SLIT1: variants seen among roughly 807,000 people sequenced by gnomAD.
SLIT1 encodes slit homolog 1 protein.
SLIT1 carries 66 observed loss-of-function variants against 186.1 expected under a neutral mutation model. The observed-to-expected ratio is 0.35, with a 90% CI of 0.29 to 0.44. The LOEUF (loss-of-function observed/expected upper bound fraction) is 0.44, where lower values mean the gene tolerates loss of function less well. Among genes scored for constraint, SLIT1 ranks in the 20% least tolerant of loss-of-function variants. The pLI, the probability that SLIT1 is intolerant of heterozygous loss-of-function variation, is 1.00. For synonymous variants in SLIT1, 761 were observed against 833.8 expected (o/e 0.91, Z 1.50); for missense variants, 1,638 against 2,037.4 (o/e 0.80, Z 3.77).
In SLIT1 at chr10:97,126,343, C is replaced by T. The variant is rs1453322773; in HGVS notation, c.413+31475G>A. Among the ~76,000 whole-genome samples the T allele has an allele frequency of 2.0e-5, 3 of 152,318 alleles. No homozygotes were observed. The South Asian group carries it at 6.2e-4, about 32-fold the overall frequency. On this transcript the variant is annotated intron_variant, in intron 4 of 36. Coordinates refer to ENST00000266058, the MANE Select transcript of SLIT1 (RefSeq NM_003061.3). ...AGACCCCACGGGGTGAACAATGAAT[C>T]GGATGCAGCGCCCACTGCTTTTTAG...
intron 4 of SLIT1, among the ~76,000 whole-genome samples, chr10:97,137,818 G>T (rs1162949361): frequency 6.6e-6 from 1 of 152,142 alleles, no homozygotes; most frequent in Non-Finnish European, 1.5e-5. Flanking sequence ...AATGTTTCTT[G>T]ATGGTTTACC....
intron 4 of SLIT1, among the ~76,000 whole-genome samples, chr10:97,093,216 G>A (rs1261356339): frequency 6.6e-6 from 1 of 152,232 alleles, no homozygotes; most frequent in Non-Finnish European, 1.5e-5. Context: ...TGAGACCCTG[G>A]GAGGGCAGTG....
chr10:97,131,152 A>C (rs537306470), intron 4 of SLIT1, among the ~76,000 whole-genome samples: 19 of 152,282 alleles, frequency 1.2e-4, no homozygotes, highest in Non-Finnish European at 2.4e-4. Context: ...GTCGGCACCA[A>C]AGGAGGGCAC....
intron 13 of SLIT1, among the ~76,000 whole-genome samples, chr10:97,055,581 G>T (rs747125776): frequency 1.3e-5 from 2 of 152,058 alleles, no homozygotes; most frequent in South Asian, 4.2e-4. Flanking sequence ...TGTTACCTAG[G>T]CTGGTATTGA....
At chr10:97,099,842 G>A (rs1849332616) in intron 4 of SLIT1, among the ~76,000 whole-genome samples, 1 of 152,188 alleles carries the variant, frequency 6.6e-6, no homozygotes, top group African/African-American at 2.4e-5. Flanking sequence ...TGAAAATCAG[G>A]AGAGAAGCCA....
chr10:97,063,710 G>A lies in SLIT1; in HGVS notation c.630-92C>T, dbSNP rs560764770. 115 of 1,377,590 alleles carry A rather than the reference G, an allele frequency of 8.3e-5. 1 individual carries two copies. The highest frequency in any genetic ancestry group is 4.0e-4 in the East Asian group (16 of 40,318). The allele number at this position is 1,377,590 out of a possible 1,614,324, so 85.3% of individuals were successfully genotyped here. A position where few individuals can be genotyped will look rare whatever the true frequency, so the allele number is the denominator to read the frequency against. ...CAATCTCAGGCAGGAGGCTGCCCCC[G>A]GTGCTGTGTTCAAGCCAAACACAGT... is the stretch of plus-strand genomic sequence containing the variant. On this transcript the variant is annotated intron_variant, in intron 7 of 36. Coordinates refer to ENST00000266058, the MANE Select transcript of SLIT1 (RefSeq NM_003061.3).
chr10:97,099,597 T>C (rs867205710), intron 4 of SLIT1, among the ~76,000 whole-genome samples: 8 of 152,302 alleles, frequency 5.3e-5, no homozygotes, highest in Middle Eastern at 6.8e-3. Flanking sequence ...CCCCTTTCTC[T>C]GCATGTGTAC....
intron 1 of SLIT1, among the ~76,000 whole-genome samples, chr10:97,176,824 T>TCTCCAC (rs1249352019): frequency 6.6e-6 from 1 of 151,638 alleles, no homozygotes; most frequent in Non-Finnish European, 1.5e-5. Flanking sequence ...TAGCCACTGC[T>TCTCCAC]CTCCACTGTC....
intron 1 of SLIT1, among the ~76,000 whole-genome samples, chr10:97,167,836 TCTC>T (rs1436000449): frequency 1.3e-5 from 2 of 152,174 alleles, no homozygotes; most frequent in African/African-American, 4.8e-5. Flanking sequence ...AAAGGGCAGT[TCTC>T]CTGCACTTCT....
intron 4 of SLIT1, among the ~76,000 whole-genome samples, chr10:97,119,628 G>A (rs1251512256): frequency 6.6e-6 from 1 of 151,800 alleles, no homozygotes; most frequent in African/African-American, 2.4e-5. Flanking sequence ...GGCGCCTTGG[G>A]TTCACCCATC....
At chr10:97,163,697 T>G (rs74951188) in intron 2 of SLIT1, among the ~76,000 whole-genome samples, 4,920 of 152,288 alleles carry the variant, frequency 0.032, 104 homozygotes, top group Non-Finnish European at 0.04. Flanking sequence ...CACCACAAAA[T>G]GCACTTGCAA....
At chr10:97,064,309 C>A (rs1364323592) in intron 6 of SLIT1, 70 bp from the exon 7 acceptor site, 7 of 1,284,668 alleles carry the variant, frequency 5.4e-6, no homozygotes, top group Non-Finnish European at 7.9e-6. Context: ...GGCCGCCCTG[C>A]TAACGAACAG....
Position 97,014,751 on chromosome 10 carries a change from A to G in SLIT1, c.2970-593T>C, listed in dbSNP as rs184746958. ...CATGGTGGCATGTGCCTGTAATCCC[A>G]ACTACTCGGGAGGCTGAGGCAGGAG... On this transcript the variant is annotated intron_variant, in intron 28 of 36. Transcript: ENST00000266058. 9.9e-5 allele frequency among the ~76,000 whole-genome samples: 15 copies of G among 152,256 alleles called. No individual in the cohort carries two copies. The East Asian group carries it at 2.9e-3, about 29-fold the overall frequency.
chr10:97,084,366 G>A (rs1165932119), intron 4 of SLIT1, among the ~76,000 whole-genome samples: 1 of 152,194 alleles, frequency 6.6e-6, no homozygotes, highest in Non-Finnish European at 1.5e-5. Flanking sequence ...GGGCTGCAGA[G>A]CCACAAAGGC....
chr10:97,044,803 T>C (rs1005720441), intron 18 of SLIT1, among the ~76,000 whole-genome samples: 9 of 152,206 alleles, frequency 5.9e-5, no homozygotes, highest in African/African-American at 2.2e-4. Flanking sequence ...AAGAGTATTA[T>C]CATGCATTAT....
chr10:97,011,064 G>T lies in SLIT1; in HGVS notation c.3270C>A (p.His1090Gln). Residue 1090 changes from histidine to glutamine, a missense_variant, in exon 31 of 37, where the codon CAC (histidine) becomes CAA (glutamine). Around this residue, in one of 3 missense-constraint regions of SLIT1, gnomAD observed 1,245 missense variants for 1,535.3 expected, o/e 0.81. Coordinates refer to ENST00000266058, the MANE Select transcript of SLIT1 (RefSeq NM_003061.3). ...TACACTGGGCCCCATTCTGGCAGCG[G>T]TGGTCCCTGCAGTCATCCTGGTTCT... The part of the protein sequence containing the change: ...CSENQDDCRD[H>Q]RCQNGAQCMD... The T allele has an allele frequency of 6.2e-7, 1 of 1,613,596 alleles. No individual in the cohort carries two copies. Among genetic ancestry groups the T allele is most frequent in the Non-Finnish European group, 8.5e-7 (1 of 1,179,494 alleles).
intron 4 of SLIT1, among the ~76,000 whole-genome samples, chr10:97,076,981 C>T (rs534077113): frequency 3.3e-5 from 5 of 152,228 alleles, no homozygotes; most frequent in South Asian, 2.1e-4. Context: ...AAATACAGGA[C>T]GGAACCGGGG....
At chr10:97,041,219 C>T (rs1163647256) in intron 20 of SLIT1, among the ~76,000 whole-genome samples, 1 of 152,174 alleles carries the variant, frequency 6.6e-6, no homozygotes, top group African/African-American at 2.4e-5. Flanking sequence ...CCTGGCAGCA[C>T]GATGCATTGG....
At chr10:97,070,494 T>C (rs988320946) in intron 4 of SLIT1, among the ~76,000 whole-genome samples, 3 of 152,222 alleles carry the variant, frequency 2.0e-5, no homozygotes, top group Non-Finnish European at 2.9e-5. Context: ...CACATTGCTA[T>C]GGTCTGAATT....
Sources: gnomAD v4.1 joint callset for allele counts (sites outside exome capture counted in the v4.1 genomes callset) on GRCh38, gnomAD v4.1.1 for gene constraint, gnomAD v4.1.1 regional missense constraint, MANE v1.5 for transcripts, NCBI Gene and HGNC (gene_info 2026-07-23, HGNC 2026-07-21) for gene names.